LINGO2: variants seen among roughly 807,000 people sequenced by gnomAD.
LINGO2 encodes leucine rich repeat and Ig domain containing 2, also known as leucine-rich repeat and immunoglobulin-like domain-containing nogo receptor-interacting protein 2.
Under a neutral mutation model 30.6 loss-of-function variants are expected in LINGO2, and 14 were observed. The observed-to-expected ratio is 0.46, with a 90% CI of 0.30 to 0.72. LINGO2 has a LOEUF of 0.72. LINGO2 is among the 30% of genes least tolerant of loss of function. The pLI is 0.07. For missense variants in LINGO2, 729 were observed against 751.7 expected (o/e 0.97, Z 0.35); for synonymous variants, 317 against 288.5 (o/e 1.10, Z -1.00).
chr9:27,948,996 C>T, exon 6 of LINGO2: 1 of 1,611,990 alleles, frequency 6.2e-7, no homozygotes, highest in Non-Finnish European at 8.5e-7. Context: ...GAGAAGAAAA[C>T]AAAATAAAAC....
rs567509869 is a variant in LINGO2 at position 28,475,579 on chromosome 9, A to G, written c.-279+361T>C. Among the ~76,000 whole-genome samples, 3 of 152,318 alleles carry G rather than the reference A, an allele frequency of 2.0e-5. No individual in the cohort carries two copies. In the East Asian group the frequency reaches 5.8e-4, roughly 29 times the overall value. On this transcript the variant is annotated intron_variant, in intron 2 of 5. Transcript: ENST00000379992. ...ATTAAGTATTAGTCTTATATCTTTA[A>G]GCTCTTTATGCTAAGAAAACTACTG...
intron 1 of LINGO2, among the ~76,000 whole-genome samples, chr9:28,648,575 A>AAGG (rs1171638469): frequency 1.3e-5 from 2 of 152,090 alleles, no homozygotes; most frequent in Non-Finnish European, 2.9e-5. Flanking sequence ...GGTAGTCTAC[A>AAGG]ATTATTCTCT....
the LINGO2 span, among the ~76,000 whole-genome samples, chr9:28,716,853 C>G: frequency 1.3e-5 from 2 of 151,888 alleles, no homozygotes. Flanking sequence ...AATTTTAAGC[C>G]AGCTATCATA....
chr9:28,843,811 C>A, the LINGO2 span, among the ~76,000 whole-genome samples: 23 of 151,700 alleles, frequency 1.5e-4, no homozygotes, highest in Admixed American at 3.3e-4. Context: ...GTTCTGTTTC[C>A]TATTGTTTCC....
the LINGO2 span, among the ~76,000 whole-genome samples, chr9:29,107,773 T>A: frequency 6.6e-6 from 1 of 152,076 alleles, no homozygotes; most frequent in Non-Finnish European, 1.5e-5. Context: ...GCACATCATA[T>A]AAATCTAAAT....
the LINGO2 span, among the ~76,000 whole-genome samples, chr9:28,939,926 T>C: frequency 6.6e-6 from 1 of 152,316 alleles, no homozygotes; most frequent in Non-Finnish European, 1.5e-5. Context: ...TTAAGTTCTC[T>C]TTATTACTGG....
intron 3 of LINGO2, among the ~76,000 whole-genome samples, chr9:28,348,357 T>C (rs976418919): frequency 1.3e-5 from 2 of 151,922 alleles, no homozygotes; most frequent in African/African-American, 4.8e-5. Flanking sequence ...GGTCAGAGAG[T>C]TCCCTTTCTG....
In LINGO2 at chr9:28,433,966, T is replaced by TATATAC. The variant is rs752778212; in HGVS notation, c.-279+41973_-279+41974insGTATAT. 2.4e-3 allele frequency among the ~76,000 whole-genome samples: 237 copies of TATATAC among 99,984 alleles called. 19 individuals are homozygous for TATATAC. Among genetic ancestry groups the TATATAC allele is most frequent in the Middle Eastern group, 0.01 (2 of 194 alleles). 65.6% of individuals were successfully genotyped at this position (99,984 alleles called of 152,430 possible). A position where few individuals can be genotyped will look rare whatever the true frequency, so the allele number is the denominator to read the frequency against. On this transcript the variant is annotated intron_variant, in intron 2 of 5. Transcript: ENST00000379992. ...CTCTCTCTCTATATATATATATATA[T>TATATAC]ACACACACACACATGAAAATACTAC...
chr9:28,573,067 TA>T (rs1823781303), intron 1 of LINGO2, among the ~76,000 whole-genome samples: 1 of 152,148 alleles, frequency 6.6e-6, no homozygotes, highest in South Asian at 2.1e-4. Context: ...ATTGGCAAAA[TA>T]TTTGCAGAAA....
chr9:28,915,512 T>A, the LINGO2 span, among the ~76,000 whole-genome samples: 111,579 of 152,074 alleles, frequency 0.73, 41,140 homozygotes, highest in Non-Finnish European at 0.78. Flanking sequence ...AAGCCCTCAG[T>A]ATCACCATAT....
chr9:27,976,843 C>G (rs1820618884), intron 5 of LINGO2, among the ~76,000 whole-genome samples: 1 of 152,088 alleles, frequency 6.6e-6, no homozygotes, highest in African/African-American at 2.4e-5. Context: ...GGGAGTCAGC[C>G]TCACTGGAAA....
At chr9:28,149,231 C>G in intron 4 of LINGO2, 1 of 944,782 alleles carries the variant, frequency 1.1e-6, no homozygotes, top group Non-Finnish European at 1.6e-6. Context: ...TGGCCCACGC[C>G]TGTAATCAAG....
chr9:28,087,271 T>A (rs529769654), intron 4 of LINGO2, among the ~76,000 whole-genome samples: 1 of 152,204 alleles, frequency 6.6e-6, no homozygotes, highest in South Asian at 2.1e-4. Flanking sequence ...CATAGACTCA[T>A]GAGGTTTTAT....
chr9:28,331,869 A>C (rs964769135), intron 3 of LINGO2, among the ~76,000 whole-genome samples: 2 of 152,178 alleles, frequency 1.3e-5, no homozygotes, highest in Non-Finnish European at 2.9e-5. Context: ...ATCACCTTGC[A>C]CATGTCACTA....
intron 3 of LINGO2, among the ~76,000 whole-genome samples, chr9:28,355,361 CTCTG>C (rs1820151568): frequency 2.7e-5 from 3 of 110,810 alleles, no homozygotes; most frequent in South Asian, 7.7e-4. Flanking sequence ...CTCTCCCTCC[CTCTG>C]TGTGTGTGTG....
At chr9:28,901,803 A>C in the LINGO2 span, among the ~76,000 whole-genome samples, 2 of 152,136 alleles carry the variant, frequency 1.3e-5, no homozygotes, top group Admixed American at 6.6e-5. Flanking sequence ...AATAAGTTAC[A>C]GAACAACCAG....
At chr9:28,412,914 C>A (rs933028856) in intron 2 of LINGO2, among the ~76,000 whole-genome samples, 6 of 152,058 alleles carry the variant, frequency 3.9e-5, no homozygotes, top group African/African-American at 1.4e-4. Flanking sequence ...AAGACTAACT[C>A]CTCCTCATAC....
At chr9:28,763,278 T>A in the LINGO2 span, among the ~76,000 whole-genome samples, 4 of 152,004 alleles carry the variant, frequency 2.6e-5, no homozygotes, top group African/African-American at 9.7e-5. Context: ...CCAGAATAGA[T>A]CACATGTTGT....
the LINGO2 span, among the ~76,000 whole-genome samples, chr9:28,749,112 T>C: frequency 2.0e-5 from 3 of 152,032 alleles, no homozygotes; most frequent in Non-Finnish European, 4.4e-5. Context: ...ATATAGTTTG[T>C]TTATTACTTC....
Sources: allele counts gnomAD v4.1 joint callset (sites outside exome capture counted in the v4.1 genomes callset), GRCh38; gene constraint gnomAD v4.1.1; transcripts MANE v1.5; gene names NCBI Gene and HGNC (gene_info 2026-07-23, HGNC 2026-07-21).